Variants in ATP6V1H observed in about 807,000 individuals in gnomAD.
ATP6V1H encodes V-type proton ATPase subunit H.
ATP6V1H carries 39 observed loss-of-function variants against 71.7 expected under a neutral mutation model. The observed-to-expected ratio is 0.54, with a 90% CI of 0.42 to 0.71. The LOEUF is 0.71. Ranked by LOEUF, ATP6V1H falls within the 30% of genes least tolerant of loss-of-function variation. The pLI, the probability that ATP6V1H is intolerant of heterozygous loss-of-function variation, is 0.00. For missense variants in ATP6V1H, 509 were observed against 594.9 expected (o/e 0.86, Z 1.50); for synonymous variants, 192 against 199.3 (o/e 0.96, Z 0.31).
At chr8:53,763,211 A>G (rs1019706450) in intron 11 of ATP6V1H, among the ~76,000 whole-genome samples, 1 of 152,208 alleles carries the variant, frequency 6.6e-6, no homozygotes, top group Non-Finnish European at 1.5e-5. Context: ...TCAAGGGCCA[A>G]CAGCAGACAG....
intron 8 of ATP6V1H, among the ~76,000 whole-genome samples, chr8:53,797,039 A>G (rs1328116015): frequency 6.6e-6 from 1 of 152,246 alleles, no homozygotes; most frequent in Non-Finnish European, 1.5e-5. Context: ...TTTAATTAAT[A>G]TTGATATCAG....
chr8:53,822,889 T>A (rs1477663846), intron 4 of ATP6V1H, among the ~76,000 whole-genome samples: 2 of 152,118 alleles, frequency 1.3e-5, no homozygotes, highest in African/African-American at 4.8e-5. Flanking sequence ...TTAAGTATGA[T>A]AAAAGGGACA....
intron 8 of ATP6V1H, among the ~76,000 whole-genome samples, chr8:53,796,161 A>C (rs1055639533): frequency 2.0e-5 from 3 of 152,216 alleles, no homozygotes; most frequent in Non-Finnish European, 4.4e-5. Flanking sequence ...CAAATGTTAC[A>C]TGGAGATTTT....
chr8:53,831,753 T>C (rs1311216321), intron 3 of ATP6V1H: 1 of 148,372 alleles, frequency 6.7e-6, no homozygotes, highest in Admixed American at 6.7e-5. Flanking sequence ...CACTCTTTTT[T>C]TTTTTTTTTT....
chr8:53,720,463 C>CT (rs1181698866), intron 13 of ATP6V1H, among the ~76,000 whole-genome samples: 4 of 152,218 alleles, frequency 2.6e-5, no homozygotes, highest in Non-Finnish European at 5.9e-5. Flanking sequence ...GACTGACTAT[C>CT]TAGCTTCTAT....
chr8:53,791,666 A>G (rs978444608), intron 9 of ATP6V1H, among the ~76,000 whole-genome samples: 3 of 152,114 alleles, frequency 2.0e-5, no homozygotes, highest in African/African-American at 7.2e-5. Flanking sequence ...AGGCCCCTTG[A>G]GCCCTCTCTT....
At chr8:53,808,917 G>A (rs900511972) in intron 7 of ATP6V1H, among the ~76,000 whole-genome samples, 1 of 152,026 alleles carries the variant, frequency 6.6e-6, no homozygotes, top group Non-Finnish European at 1.5e-5. Flanking sequence ...ATTTTGCAGT[G>A]TAAAACTTGT....
intron 13 of ATP6V1H, among the ~76,000 whole-genome samples, chr8:53,724,041 G>C (rs1278632093): frequency 6.6e-6 from 1 of 152,136 alleles, no homozygotes; most frequent in Non-Finnish European, 1.5e-5. Flanking sequence ...AACAAAAGTA[G>C]TATAACTACT....
At chr8:53,765,952 T>G (rs1438352020) in intron 11 of ATP6V1H, among the ~76,000 whole-genome samples, 2 of 152,188 alleles carry the variant, frequency 1.3e-5, no homozygotes, top group African/African-American at 4.8e-5. Flanking sequence ...AATAGATCGC[T>G]GAAACAGAAC....
chr8:53,782,912 A>C (rs1470477377), intron 9 of ATP6V1H, among the ~76,000 whole-genome samples: 4 of 151,480 alleles, frequency 2.6e-5, no homozygotes, highest in South Asian at 2.1e-4. Context: ...ATGGTGGATA[A>C]GCTTTTTGAT....
chr8:53,798,178 AC>A (rs1809802174), intron 8 of ATP6V1H, among the ~76,000 whole-genome samples: 2 of 152,198 alleles, frequency 1.3e-5, no homozygotes. Flanking sequence ...CTTTTTAACA[AC>A]AATAAAAAAG....
chr8:53,802,212 C>T (rs1466843003), intron 7 of ATP6V1H, among the ~76,000 whole-genome samples: 1 of 152,022 alleles, frequency 6.6e-6, no homozygotes, highest in Non-Finnish European at 1.5e-5. Flanking sequence ...TTTCACATAT[C>T]CCTGAATAAA....
At chr8:53,829,763 A>G (rs1810946202) in intron 3 of ATP6V1H, among the ~76,000 whole-genome samples, 1 of 152,208 alleles carries the variant, frequency 6.6e-6, no homozygotes, top group Non-Finnish European at 1.5e-5. Context: ...CAGAATGTTT[A>G]CTATTTTTAA....
At chr8:53,813,859 C>T (rs918483060) in intron 6 of ATP6V1H, among the ~76,000 whole-genome samples, 2 of 152,176 alleles carry the variant, frequency 1.3e-5, no homozygotes, top group Non-Finnish European at 2.9e-5. Context: ...TAATCCCACC[C>T]TGAAACTGTG....
intron 9 of ATP6V1H, among the ~76,000 whole-genome samples, chr8:53,779,082 C>A (rs1396857094): frequency 1.3e-5 from 2 of 152,036 alleles, no homozygotes; most frequent in African/African-American, 4.8e-5. Context: ...AAGAAATAGA[C>A]AAATCCACAA....
intron 9 of ATP6V1H, among the ~76,000 whole-genome samples, chr8:53,786,967 T>C (rs551303345): frequency 2.0e-4 from 30 of 152,344 alleles, no homozygotes; most frequent in African/African-American, 6.7e-4. Context: ...AATACTTTTA[T>C]GAAACACAGT....
chr8:53,839,831 C>T, intron 2 of ATP6V1H: 1 of 985,458 alleles, frequency 1.0e-6, no homozygotes, highest in Non-Finnish European at 1.2e-6. Flanking sequence ...TCATGGGCTT[C>T]ACAGCTTAAA....
intron 11 of ATP6V1H, among the ~76,000 whole-genome samples, chr8:53,763,338 C>A (rs926287802): frequency 1.3e-5 from 2 of 152,154 alleles, no homozygotes; most frequent in Admixed American, 1.3e-4. Flanking sequence ...ACTTCATTTA[C>A]AATAGCATCA....
intron 13 of ATP6V1H, among the ~76,000 whole-genome samples, chr8:53,743,376 C>T (rs1324983729): frequency 6.6e-6 from 1 of 150,612 alleles, no homozygotes; most frequent in Non-Finnish European, 1.5e-5. Context: ...TGAATATACA[C>T]TCCTTGAGAC....
Sources: allele counts gnomAD v4.1 joint callset (sites outside exome capture counted in the v4.1 genomes callset), GRCh38; gene constraint gnomAD v4.1.1; transcripts MANE v1.5; gene names NCBI Gene and HGNC (gene_info 2026-07-23, HGNC 2026-07-21).